Variants in UBE2D2 observed in about 807,000 individuals in gnomAD.
UBE2D2 encodes the protein ubiquitin-conjugating enzyme E2 D2.
A neutral mutation model predicts 24.2 loss-of-function variants in UBE2D2; 2 were observed. The observed-to-expected ratio is 0.08, with a 90% CI of 0.03 to 0.26. The LOEUF is 0.26. Among genes scored for constraint, UBE2D2 ranks in the 10% least tolerant of loss-of-function variants. The pLI, the probability that UBE2D2 is intolerant of heterozygous loss-of-function variation, is 1.00. For synonymous variants in UBE2D2, 58 were observed against 56.5 expected (o/e 1.03, Z -0.12); for missense variants, 44 against 177.6 (o/e 0.25, Z 4.28).
upstream of UBE2D2, among the ~76,000 whole-genome samples, chr5:139,559,149 G>T (rs911938141): frequency 8.6e-5 from 13 of 152,022 alleles, no homozygotes; most frequent in Non-Finnish European, 1.8e-4. Context: ...TCTGTCGGCC[G>T]GGCGCGGTGG....
At chr5:139,581,312 G>A (rs904133886) in intron 1 of UBE2D2, among the ~76,000 whole-genome samples, 10 of 152,008 alleles carry the variant, frequency 6.6e-5, no homozygotes, top group South Asian at 2.1e-4. Flanking sequence ...AGCCGGGTGC[G>A]GTGGTGAGCG....
intron 2 of UBE2D2, among the ~76,000 whole-genome samples, chr5:139,607,621 T>G (rs1754226819): frequency 6.6e-6 from 1 of 152,230 alleles, no homozygotes; most frequent in African/African-American, 2.4e-5. Context: ...TTAGTCCTGT[T>G]GGAATGTTAA....
chr5:139,562,183 C>A, intron 1 of UBE2D2: 1 of 1,363,732 alleles, frequency 7.3e-7, no homozygotes, highest in Non-Finnish European at 9.6e-7. Context: ...GCGGCCCCTT[C>A]GACAGAGGTC....
intron 2 of UBE2D2, among the ~76,000 whole-genome samples, chr5:139,606,939 G>A (rs1156762201): frequency 6.6e-6 from 1 of 152,080 alleles, no homozygotes; most frequent in Non-Finnish European, 1.5e-5. Flanking sequence ...CAAGTAGCTG[G>A]GATTACGGGT....
intron 1 of UBE2D2, among the ~76,000 whole-genome samples, chr5:139,577,857 A>G (rs1451168526): frequency 6.6e-6 from 1 of 152,194 alleles, no homozygotes. Flanking sequence ...TACATGTGTG[A>G]TTAGTGTTAC....
At chr5:139,613,786 G>A (rs559096409) in intron 2 of UBE2D2, among the ~76,000 whole-genome samples, 2 of 152,228 alleles carry the variant, frequency 1.3e-5, no homozygotes, top group African/African-American at 4.8e-5. Flanking sequence ...CCGTATACCA[G>A]CATTATAAAA....
chr5:139,599,205 G>A (rs1002536462), intron 1 of UBE2D2, among the ~76,000 whole-genome samples: 1 of 151,754 alleles, frequency 6.6e-6, no homozygotes, highest in Admixed American at 6.6e-5. Flanking sequence ...AAAGTGCTGG[G>A]ATTACAAGCA....
At chr5:139,569,700 C>T (rs1453137795) in intron 1 of UBE2D2, among the ~76,000 whole-genome samples, 3 of 152,146 alleles carry the variant, frequency 2.0e-5, no homozygotes, top group Admixed American at 2.0e-4. Flanking sequence ...CACTGCAGCA[C>T]ATCTCAGGGC....
chr5:139,557,061 C>T (rs1283661054), upstream of UBE2D2, among the ~76,000 whole-genome samples: 2 of 151,908 alleles, frequency 1.3e-5, no homozygotes, highest in Admixed American at 6.6e-5. Context: ...TCTTGAACTC[C>T]TGACCTTGTG....
intron 5 of UBE2D2, among the ~76,000 whole-genome samples, chr5:139,620,174 A>G (rs1239153603): frequency 1.3e-5 from 2 of 152,236 alleles, no homozygotes; most frequent in Non-Finnish European, 2.9e-5. Context: ...GTTGGGGATT[A>G]CAGTTGAACA....
chr5:139,616,142 TA>T (rs1754415013), intron 5 of UBE2D2, among the ~76,000 whole-genome samples: 1 of 147,550 alleles, frequency 6.8e-6, no homozygotes, highest in Admixed American at 6.7e-5. Context: ...CCAAATAATC[TA>T]GAATTTATAA....
At chr5:139,581,509 CAGATT>C (rs1753602261) in intron 1 of UBE2D2, among the ~76,000 whole-genome samples, 1 of 151,854 alleles carries the variant, frequency 6.6e-6, no homozygotes, top group Non-Finnish European at 1.5e-5. Flanking sequence ...CTAAGTGTTT[CAGATT>C]TTGAATTTTT....
At chr5:139,600,877 A>G (rs916182556) in intron 2 of UBE2D2, among the ~76,000 whole-genome samples, 4 of 152,140 alleles carry the variant, frequency 2.6e-5, no homozygotes, top group African/African-American at 7.2e-5. Context: ...ATCTCAGCTC[A>G]CTGCAGCCTC....
chr5:139,559,400 T>C (rs896171917), upstream of UBE2D2, among the ~76,000 whole-genome samples: 10 of 148,782 alleles, frequency 6.7e-5, no homozygotes, highest in Non-Finnish European at 1.2e-4. Context: ...CACTCCAGCC[T>C]GGGCGACAGA....
intron 2 of UBE2D2, among the ~76,000 whole-genome samples, chr5:139,601,951 ATATTT>A (rs1452665002): frequency 6.6e-6 from 1 of 152,188 alleles, no homozygotes; most frequent in East Asian, 1.9e-4. Context: ...CATTTAACAA[ATATTT>A]TAAAGTATGC....
chr5:139,546,813 TCTTTCTTCCTTCCTTC>T (rs1408862918), intron 1 of UBE2D2, among the ~76,000 whole-genome samples: 33 of 128,340 alleles, frequency 2.6e-4, no homozygotes, highest in East Asian at 1.2e-3. Flanking sequence ...CTTTCTTCTT[TCTTTCTTCCTTCCTTC>T]CTTCCTTCCT....
chr5:139,560,136 C>A (rs1753042311), upstream of UBE2D2, among the ~76,000 whole-genome samples: 1 of 150,308 alleles, frequency 6.7e-6, no homozygotes, highest in South Asian at 2.1e-4. Context: ...TGGGTTCCAG[C>A]GATTCTCCTG....
chr5:139,600,230 C>T (rs773313179), intron 1 of UBE2D2, 142 bp from the exon 2 acceptor site: 2 of 883,986 alleles, frequency 2.3e-6, no homozygotes, highest in Non-Finnish European at 3.7e-6. Flanking sequence ...ATTCACCAAT[C>T]TACTCATCTC....
intron 1 of UBE2D2, among the ~76,000 whole-genome samples, chr5:139,534,040 C>A (rs1414483908): frequency 6.6e-6 from 1 of 151,722 alleles, no homozygotes; most frequent in Non-Finnish European, 1.5e-5. Context: ...CTCAGCCTCT[C>A]AAAGTGCTGG....
Sources: gnomAD v4.1 joint callset for allele counts (sites outside exome capture counted in the v4.1 genomes callset) on GRCh38, gnomAD v4.1.1 for gene constraint, MANE v1.5 for transcripts, NCBI Gene and HGNC (gene_info 2026-07-23, HGNC 2026-07-21) for gene names.